The following SEC11C variants were observed in gnomAD, a reference collection of about 807,000 sequenced individuals.
SEC11C encodes SEC11 homolog C, signal peptidase complex subunit, also known as signal peptidase complex catalytic subunit SEC11C.
In SEC11C, 10 loss-of-function variants were observed where a neutral mutation model predicts 21.9. That is an observed-to-expected ratio of 0.46 (90% CI 0.28 to 0.77). SEC11C has a LOEUF of 0.77. SEC11C is among the 30% of genes least tolerant of loss of function. The probability of loss-of-function intolerance (pLI) is 0.12; values close to 1 mark genes in which losing one functional copy is unlikely to be tolerated. For missense variants in SEC11C, 145 were observed against 244.5 expected (o/e 0.59, Z 2.71); for synonymous variants, 83 against 85.6 (o/e 0.97, Z 0.17).
rs904329852 is a variant in SEC11C, at chr18:59,157,776, G to A, written c.525+111G>A. 2.8e-5 allele frequency: 20 copies of A among 723,298 alleles called. No individual in the cohort carries two copies. In the South Asian group the frequency reaches 3.2e-4, roughly 12 times the overall value. The allele number at this position is 723,298 out of a possible 1,614,324, so 44.8% of individuals were successfully genotyped here. On this transcript the variant is annotated intron_variant, in intron 5 of 5. Transcript: ENST00000587834. ...AAAACATGTTGCCATTAATAGGCCTGCAGAATATCTGTAGTTAACTACAAA... is the reference window on the plus strand; with the variant it reads ...AAAACATGTTGCCATTAATAGGCCTACAGAATATCTGTAGTTAACTACAAA...
At chr18:59,148,861 C>T (rs1049873137) in intron 1 of SEC11C, among the ~76,000 whole-genome samples, 5 of 152,198 alleles carry the variant, frequency 3.3e-5, no homozygotes, top group South Asian at 2.1e-4. Flanking sequence ...GTGATCCACC[C>T]GCCTCGGCCT....
At position 59,152,568 on chromosome 18, in the gene SEC11C, ACCT is replaced by A. The variant is rs2069369679; in HGVS notation, c.234_236del (p.Leu79del). ...ATGGAGCCGGCCTTTCACAGAGGAG[ACCT>A]CCTGTTCCTCACAAATTTCCGGGAA... is the stretch of plus-strand genomic sequence containing the variant. On this transcript the variant is annotated inframe_deletion, in exon 3 of 6. Transcript: ENST00000587834. The A allele has an allele frequency of 6.2e-7, 1 of 1,609,388 alleles. No homozygotes were observed. Among genetic ancestry groups the A allele is most frequent in the Non-Finnish European group, 8.5e-7 (1 of 1,178,932 alleles).
chr18:59,148,283 T>G (rs2069302334), intron 1 of SEC11C, among the ~76,000 whole-genome samples: 1 of 152,184 alleles, frequency 6.6e-6, no homozygotes, highest in Non-Finnish European at 1.5e-5. Flanking sequence ...GGGGCTTTGA[T>G]TTTGAGTGGT....
intron 1 of SEC11C, among the ~76,000 whole-genome samples, chr18:59,143,459 T>C (rs1517028): frequency 0.45 from 69,138 of 152,022 alleles, 16,447 homozygotes; most frequent in East Asian, 0.63. Context: ...TCTTAATTCA[T>C]TTATGTCCTC....
chr18:59,144,241 C>T (rs557064508), intron 1 of SEC11C, among the ~76,000 whole-genome samples: 81 of 152,282 alleles, frequency 5.3e-4, no homozygotes, highest in Non-Finnish European at 9.4e-4. Context: ...TAAATGTCTT[C>T]GGGCCATAAT....
chr18:59,139,927 C>T lies in SEC11C; in HGVS notation c.-22C>T. 1 of 1,507,042 alleles carries T rather than the reference C, an allele frequency of 6.6e-7. No homozygotes were observed. The highest frequency in any genetic ancestry group is 8.9e-7 in the Non-Finnish European group (1 of 1,123,788). The allele number at this position is 1,507,042 out of a possible 1,614,324, so 93.4% of individuals were successfully genotyped here. ...TGTGCCACCCAGAGCCGGCGGGCCGCTAGGTCCCCGGAGACCCTGCTATGG... is the reference window on the plus strand; with the variant it reads ...TGTGCCACCCAGAGCCGGCGGGCCGTTAGGTCCCCGGAGACCCTGCTATGG... On this transcript the variant is annotated 5_prime_UTR_variant, in exon 1 of 6. Coordinates refer to ENST00000587834, the MANE Select transcript of SEC11C (RefSeq NM_033280.4).
chr18:59,157,143 A>G (rs1204865801), intron 4 of SEC11C: 2 of 154,486 alleles, frequency 1.3e-5, no homozygotes, highest in Non-Finnish European at 2.9e-5. Context: ...TCACATTTGT[A>G]TTTGCTACCC....
chr18:59,147,836 C>G (rs2069295148), intron 1 of SEC11C: 1 of 152,332 alleles, frequency 6.6e-6, no homozygotes, highest in Non-Finnish European at 1.5e-5. Context: ...GAAAAGCTGC[C>G]AGGCCTGGTG....
intron 3 of SEC11C, among the ~76,000 whole-genome samples, chr18:59,155,201 GAAGT>G (rs1285610957): frequency 6.6e-6 from 1 of 152,230 alleles, no homozygotes; most frequent in Non-Finnish European, 1.5e-5. Flanking sequence ...TGAGGTGAAT[GAAGT>G]GAGTCTGGAA....
intron 1 of SEC11C, among the ~76,000 whole-genome samples, chr18:59,145,237 G>A (rs1411444201): frequency 2.0e-5 from 3 of 152,244 alleles, no homozygotes; most frequent in Non-Finnish European, 4.4e-5. Flanking sequence ...TTGGCACACG[G>A]CCATGCTCTT....
chr18:59,146,263 T>A (rs902794553), intron 1 of SEC11C, among the ~76,000 whole-genome samples: 1 of 152,034 alleles, frequency 6.6e-6, no homozygotes, highest in African/African-American at 2.4e-5. Context: ...AACAGCAGGG[T>A]GATAATAATG....
In SEC11C at chr18:59,152,602, A is replaced by G. The variant is rs754590505; in HGVS notation, c.264A>G (p.Pro88=). Residue 88 remains proline (P), a synonymous_variant, in exon 3 of 6, where the codon CCA becomes CCG. Transcript: ENST00000587834. Reference sequence around the variant, plus strand: ...TCCTCACAAATTTCCGGGAAGACCCAATCAGAGCTGGTGAAATAGTTGTTT... The same window carrying G: ...TCCTCACAAATTTCCGGGAAGACCCGATCAGAGCTGGTGAAATAGTTGTTT... ...LLFLTNFRED[P]IRAGEIVVFK... The G allele has an allele frequency of 1.2e-6, 2 of 1,613,910 alleles. No homozygotes were observed. Among genetic ancestry groups the G allele is most frequent in the African/African-American group, 2.7e-5 (2 of 75,040 alleles).
At chr18:59,156,700 GTTTT>G (rs370442668) in intron 4 of SEC11C, 2 of 117,052 alleles carry the variant, frequency 1.7e-5, no homozygotes, top group Non-Finnish European at 3.8e-5. Context: ...CATTAGAAAT[GTTTT>G]TTTATCTTAC....
At chr18:59,141,500 T>C (rs909978623) in intron 1 of SEC11C, among the ~76,000 whole-genome samples, 12 of 152,210 alleles carry the variant, frequency 7.9e-5, no homozygotes, top group Non-Finnish European at 1.5e-5. Context: ...CTGATGAGTG[T>C]ATTGATCCCT....
chr18:59,145,509 T>C (rs538888981), intron 1 of SEC11C, among the ~76,000 whole-genome samples: 1 of 152,256 alleles, frequency 6.6e-6, no homozygotes, highest in African/African-American at 2.4e-5. Context: ...GAAAGAAGCA[T>C]GTGAGGTGGA....
intron 2 of SEC11C, among the ~76,000 whole-genome samples, chr18:59,151,324 T>A (rs376407870): frequency 1.1e-3 from 165 of 152,272 alleles, no homozygotes; most frequent in African/African-American, 3.7e-3. Context: ...TTTAGCTTTT[T>A]TTTTTTTTTT....
At chr18:59,153,827 CT>C (rs2069388078) in intron 3 of SEC11C, among the ~76,000 whole-genome samples, 1 of 152,094 alleles carries the variant, frequency 6.6e-6, no homozygotes, top group Admixed American at 6.5e-5. Context: ...CTCCCTCAGC[CT>C]CTCAAGTAGC....
At chr18:59,142,110 T>C (rs2069218192) in intron 1 of SEC11C, among the ~76,000 whole-genome samples, 1 of 152,174 alleles carries the variant, frequency 6.6e-6, no homozygotes, top group Non-Finnish European at 1.5e-5. Flanking sequence ...CAAAATTACT[T>C]TTCTGGATTC....
At chr18:59,158,195 A>G (rs1208160258) in intron 5 of SEC11C, among the ~76,000 whole-genome samples, 1 of 152,094 alleles carries the variant, frequency 6.6e-6, no homozygotes, top group Non-Finnish European at 1.5e-5. Context: ...GGCTGGGATT[A>G]CAGGTGCCCG....
Sources: gnomAD v4.1 joint callset for allele counts (sites outside exome capture counted in the v4.1 genomes callset) on GRCh38, gnomAD v4.1.1 for gene constraint, MANE v1.5 for transcripts, NCBI Gene and HGNC (gene_info 2026-07-23, HGNC 2026-07-21) for gene names.